PRKCZ: variants seen among roughly 807,000 people sequenced by gnomAD.
The protein encoded by PRKCZ is protein kinase C zeta, also known as protein kinase C zeta type.
In PRKCZ, 33 loss-of-function variants were observed where a neutral mutation model predicts 79.5. The observed-to-expected ratio is 0.41, with a 90% CI of 0.31 to 0.55. The LOEUF (loss-of-function observed/expected upper bound fraction) is 0.55, where lower values mean the gene tolerates loss of function less well. Among genes scored for constraint, PRKCZ ranks in the 20% least tolerant of loss-of-function variants. The pLI is 0.19. For synonymous variants in PRKCZ, 342 were observed against 320.9 expected (o/e 1.07, Z -0.70); for missense variants, 578 against 813.5 (o/e 0.71, Z 3.52).
intron 4 of PRKCZ, among the ~76,000 whole-genome samples, chr1:2,064,965 G>A (rs1314919006): frequency 6.6e-6 from 1 of 152,210 alleles, no homozygotes; most frequent in Non-Finnish European, 1.5e-5. Context: ...ACAGTATGAA[G>A]ACTTCCAATC....
Position 2,080,443 on chromosome 1 carries a change from C to T in PRKCZ, c.334+20852C>T, listed in dbSNP as rs1368714158. ...CAGGGTTTTAAGGAGGGCAAAGGCCCCTCTGTTTGTTTTTCCTTGATGCTG... is the reference window on the plus strand; with the variant it reads ...CAGGGTTTTAAGGAGGGCAAAGGCCTCTCTGTTTGTTTTTCCTTGATGCTG... On this transcript the variant is annotated intron_variant, in intron 4 of 17. Coordinates refer to ENST00000378567, the MANE Select transcript of PRKCZ (RefSeq NM_002744.6). Among the ~76,000 whole-genome samples the T allele has an allele frequency of 4.1e-5, 6 of 146,234 alleles. No individual in the cohort carries two copies. The East Asian group carries it at 1.2e-3, about 28-fold the overall frequency.
In PRKCZ at chr1:2,094,592, CCG is replaced by C; in HGVS notation, c.334+35003_334+35004del. On this transcript the variant is annotated intron_variant, in intron 4 of 17. Coordinates refer to ENST00000378567, the MANE Select transcript of PRKCZ (RefSeq NM_002744.6). This position sits in a 1 kb window ranked among gnomAD's most constrained non-coding sequence, Gnocchi z 7.3. ...TTGGGCGCTGCCCGTTCTGAGGCGC[CCG>C]CTGTGCCCGGCTCGATGAACCTTGG... Among the ~76,000 whole-genome samples the C allele has an allele frequency of 1.1e-5, 1 of 90,120 alleles. No individual in the cohort carries two copies. The highest frequency in any genetic ancestry group is 7.0e-5 in the African/African-American group (1 of 14,370). 59.1% of individuals were successfully genotyped at this position (90,120 alleles called of 152,430 possible).
intron 4 of PRKCZ, among the ~76,000 whole-genome samples, chr1:2,090,981 T>C (rs2102480788): frequency 6.6e-6 from 1 of 152,358 alleles, no homozygotes; most frequent in East Asian, 1.9e-4. Context: ...ACATGTACCA[T>C]CATATAGATG....
chr1:2,180,868 C>A (rs923881010), intron 16 of PRKCZ, among the ~76,000 whole-genome samples: 5 of 152,178 alleles, frequency 3.3e-5, no homozygotes, highest in Non-Finnish European at 7.4e-5. Context: ...ATCACCCCAA[C>A]AGTGCAGGGT....
chr1:2,109,646 C>T (rs553557011), intron 4 of PRKCZ, among the ~76,000 whole-genome samples: 138 of 152,272 alleles, frequency 9.1e-4, no homozygotes, highest in African/African-American at 3.2e-3. Context: ...GGTGAGGACA[C>T]GGGGTTGCGG....
At chr1:2,144,136 G>C in intron 5 of PRKCZ, 74 bp from the exon 6 acceptor site, 1 of 1,522,338 alleles carries the variant, frequency 6.6e-7, no homozygotes, top group Non-Finnish European at 8.9e-7. Flanking sequence ...AGGTATAGGT[G>C]TGGAAGGCCC....
chr1:2,135,459 G>A (rs750253761), intron 5 of PRKCZ, 112 bp downstream of exon 5: 36 of 974,764 alleles, frequency 3.7e-5, no homozygotes, highest in East Asian at 1.9e-4. Context: ...TCTTTTTGGC[G>A]CCCGAGGGCA....
chr1:2,113,167 C>T (rs1353672403), intron 4 of PRKCZ, among the ~76,000 whole-genome samples: 6 of 152,254 alleles, frequency 3.9e-5, no homozygotes, highest in Non-Finnish European at 7.3e-5. Context: ...CCGGGGGATC[C>T]CTCCAGGGTC....
intron 4 of PRKCZ, among the ~76,000 whole-genome samples, chr1:2,078,393 A>T (rs1273750393): frequency 1.3e-5 from 2 of 152,200 alleles, no homozygotes; most frequent in East Asian, 1.9e-4. Flanking sequence ...TTTCGAAGGG[A>T]TCGCTCTACT....
At chr1:2,076,676 A>T (rs978105040) in intron 4 of PRKCZ, among the ~76,000 whole-genome samples, 2 of 151,450 alleles carry the variant, frequency 1.3e-5, no homozygotes, top group Non-Finnish European at 2.9e-5. Context: ...CGGGAGGCAG[A>T]GGTCACAGTG....
intron 4 of PRKCZ, among the ~76,000 whole-genome samples, chr1:2,086,107 G>T (rs1384669969): frequency 6.7e-6 from 1 of 149,888 alleles, no homozygotes; most frequent in Non-Finnish European, 1.5e-5. Flanking sequence ...TGTCGCCCAG[G>T]CTGGAATGCA....
At chr1:2,135,423 C>T in intron 5 of PRKCZ, 76 bp downstream of exon 5, 7 of 1,354,226 alleles carry the variant, frequency 5.2e-6, no homozygotes, top group Non-Finnish European at 7.1e-6. Flanking sequence ...GGAGGGGAGG[C>T]ACGTCCCGCT....
intron 4 of PRKCZ, among the ~76,000 whole-genome samples, chr1:2,079,769 G>A (rs1663131799): frequency 6.6e-6 from 1 of 152,108 alleles, no homozygotes; most frequent in Non-Finnish European, 1.5e-5. Flanking sequence ...CCCTTTTTGT[G>A]TTTGTCCTGG....
intron 4 of PRKCZ, among the ~76,000 whole-genome samples, chr1:2,118,083 G>A (rs922206364): frequency 1.6e-4 from 22 of 134,566 alleles, no homozygotes; most frequent in South Asian, 4.8e-4. Flanking sequence ...TGCAACCTCC[G>A]CCTCCCTGGT....
chr1:2,056,709 A>T, intron 3 of PRKCZ, 136 bp downstream of exon 3: 2 of 669,490 alleles, frequency 3.0e-6, no homozygotes, highest in Non-Finnish European at 2.3e-6. Flanking sequence ...ATATAATGCC[A>T]TTTGGGTTTT....
rs113040843 is a variant in PRKCZ, at chr1:2,121,591, A to G, written c.335-13671A>G. 8.5e-3 allele frequency among the ~76,000 whole-genome samples: 121 copies of G among 14,312 alleles called. 3 individuals carry two copies. Among genetic ancestry groups the G allele is most frequent in the Middle Eastern group, 0.026 (1 of 38 alleles). 9.4% of individuals were successfully genotyped at this position (14,312 alleles called of 152,430 possible). ...GTAGTTAGGGTGATGGTGGTAGTTA[A>G]GGTCACAGCAGTAATTAGGGTCATG... On this transcript the variant is annotated intron_variant, in intron 4 of 17. Transcript: ENST00000378567.
chr1:2,121,100 C>T (rs2102833372), intron 4 of PRKCZ, among the ~76,000 whole-genome samples: 1 of 152,348 alleles, frequency 6.6e-6, no homozygotes, highest in South Asian at 2.1e-4. Context: ...AGGCGTGAGC[C>T]ACTGCGCCTG....
At chr1:2,175,537 A>C (rs1685313587) in intron 16 of PRKCZ, among the ~76,000 whole-genome samples, 4 of 134,356 alleles carry the variant, frequency 3.0e-5, no homozygotes, top group East Asian at 4.5e-4. Context: ...CCACCCCAAT[A>C]TCCACCCAAC....
chr1:2,109,301 C>A (rs1224658929), intron 4 of PRKCZ, among the ~76,000 whole-genome samples: 1 of 152,180 alleles, frequency 6.6e-6, no homozygotes, highest in Non-Finnish European at 1.5e-5. Context: ...AGAGGGCACC[C>A]AGATGGAGGC....
Sources: gnomAD v4.1 joint callset for allele counts (sites outside exome capture counted in the v4.1 genomes callset) on GRCh38, gnomAD v4.1.1 for gene constraint, Gnocchi (gnomAD v3.1) non-coding constraint, MANE v1.5 for transcripts, NCBI Gene and HGNC (gene_info 2026-07-23, HGNC 2026-07-21) for gene names.